PIP5K1B: variants seen among roughly 807,000 people sequenced by gnomAD.
The protein encoded by PIP5K1B is phosphatidylinositol-4-phosphate 5-kinase type 1 beta, also known as phosphatidylinositol 4-phosphate 5-kinase type-1 beta.
In PIP5K1B, 42 loss-of-function variants were observed where a neutral mutation model predicts 67.0. That is an observed-to-expected ratio of 0.63 (90% CI 0.49 to 0.81). The LOEUF is 0.81. Ranked by LOEUF, PIP5K1B falls within the 30% of genes least tolerant of loss-of-function variation. The pLI is 0.00. For missense variants in PIP5K1B, 459 were observed against 646.3 expected, an observed-to-expected ratio of 0.71 and a Z score of 3.14; for synonymous variants, 214 against 231.4, an observed-to-expected ratio of 0.92 and a Z score of 0.68.
At chr9:68,875,625 T>C (rs574752613) in intron 5 of PIP5K1B, among the ~76,000 whole-genome samples, 1 of 152,344 alleles carries the variant, frequency 6.6e-6, no homozygotes, top group South Asian at 2.1e-4. Flanking sequence ...TATTCTGTGC[T>C]GAAAGCCTTT....
chr9:68,723,707 T>TA (rs1249704354), intron 1 of PIP5K1B, among the ~76,000 whole-genome samples: 1 of 148,664 alleles, frequency 6.7e-6, no homozygotes, highest in Non-Finnish European at 1.5e-5. Flanking sequence ...TTTTTTTTTT[T>TA]TTTTTTTTTT....
At chr9:68,819,327 G>A (rs1280839734) in intron 3 of PIP5K1B, among the ~76,000 whole-genome samples, 7 of 152,116 alleles carry the variant, frequency 4.6e-5, no homozygotes, top group Non-Finnish European at 8.8e-5. Context: ...AGGCTGGAGT[G>A]CAGTGGTGCG....
rs781757137 is a variant in PIP5K1B at position 68,839,833 on chromosome 9, C to A, written c.69+17150C>A. Among the ~76,000 whole-genome samples, 125 of 152,282 alleles carry A rather than the reference C, an allele frequency of 8.2e-4. 2 individuals carry two copies. The highest frequency in any genetic ancestry group is 1.4e-3 in the Non-Finnish European group (98 of 68,032). On this transcript the variant is annotated intron_variant, in intron 4 of 15. Transcript: ENST00000265382. Reference sequence around the variant, plus strand: ...TGTTAGGTCCAGCCATGGTCGTCTCCATTCCAGAGAGGTCATGACAAGACC... The same window carrying A: ...TGTTAGGTCCAGCCATGGTCGTCTCAATTCCAGAGAGGTCATGACAAGACC...
chr9:68,949,830 G>A (rs561150827), intron 14 of PIP5K1B, among the ~76,000 whole-genome samples: 1 of 152,302 alleles, frequency 6.6e-6, no homozygotes, highest in South Asian at 2.1e-4. Context: ...GCAGAAAACC[G>A]AAGTGAGGCA....
intron 4 of PIP5K1B, among the ~76,000 whole-genome samples, chr9:68,851,521 C>T (rs934195847): frequency 6.6e-6 from 1 of 152,108 alleles, no homozygotes; most frequent in Non-Finnish European, 1.5e-5. Flanking sequence ...CAGAATACCC[C>T]AAAAGTCACG....
intron 1 of PIP5K1B, among the ~76,000 whole-genome samples, chr9:68,711,109 C>T (rs910367536): frequency 6.6e-6 from 1 of 152,110 alleles, no homozygotes; most frequent in Non-Finnish European, 1.5e-5. Context: ...ATATTTAAGC[C>T]TTCACCATTC....
intron 2 of PIP5K1B, among the ~76,000 whole-genome samples, chr9:68,779,141 C>A (rs994129243): frequency 1.3e-5 from 2 of 150,654 alleles, no homozygotes; most frequent in East Asian, 2.0e-4. Context: ...AAAAAAAAAA[C>A]CTTGACTGAC....
intron 14 of PIP5K1B, among the ~76,000 whole-genome samples, chr9:68,974,627 T>C (rs1368347737): frequency 6.6e-6 from 1 of 152,198 alleles, no homozygotes; most frequent in East Asian, 1.9e-4. Flanking sequence ...TTCTGATTAG[T>C]CAGATCAGAA....
At chr9:68,946,713 A>G (rs1199657367) in intron 14 of PIP5K1B, among the ~76,000 whole-genome samples, 1 of 151,990 alleles carries the variant, frequency 6.6e-6, no homozygotes, top group Non-Finnish European at 1.5e-5. Context: ...ATGTTTCTTA[A>G]TCTGCTGACT....
At chr9:68,897,169 T>G (rs187330754) in intron 8 of PIP5K1B, among the ~76,000 whole-genome samples, 1 of 152,158 alleles carries the variant, frequency 6.6e-6, no homozygotes, top group African/African-American at 2.4e-5. Context: ...ATCAGGAATC[T>G]CCTCTGCTAA....
intron 1 of PIP5K1B, among the ~76,000 whole-genome samples, chr9:68,713,809 G>A (rs539274699): frequency 2.0e-5 from 3 of 152,326 alleles, no homozygotes; most frequent in African/African-American, 7.2e-5. Context: ...GGTCCTGGCT[G>A]TCAAGGAGGC....
At chr9:68,754,457 C>CTG (rs1349927418) in intron 2 of PIP5K1B, among the ~76,000 whole-genome samples, 1 of 152,132 alleles carries the variant, frequency 6.6e-6, no homozygotes, top group Non-Finnish European at 1.5e-5. Flanking sequence ...GCGTGAGCCA[C>CTG]CACGCCCGGC....
chr9:68,807,825 G>A (rs1383330292), intron 2 of PIP5K1B, among the ~76,000 whole-genome samples: 1 of 152,204 alleles, frequency 6.6e-6, no homozygotes, highest in East Asian at 1.9e-4. Flanking sequence ...GCATAAGCTG[G>A]TGAATGAAAA....
intron 4 of PIP5K1B, among the ~76,000 whole-genome samples, chr9:68,834,302 A>G (rs948879722): frequency 7.2e-5 from 11 of 152,044 alleles, no homozygotes; most frequent in Non-Finnish European, 1.3e-4. Context: ...TTCCCACGCA[A>G]GCTGATCACT....
intron 14 of PIP5K1B, among the ~76,000 whole-genome samples, chr9:68,974,900 C>T (rs965487721): frequency 3.3e-5 from 5 of 152,174 alleles, no homozygotes; most frequent in African/African-American, 1.2e-4. Flanking sequence ...TGAGGGTGCT[C>T]ATTTCAACCC....
At chr9:68,848,667 G>A (rs1164442166) in intron 4 of PIP5K1B, among the ~76,000 whole-genome samples, 1 of 152,122 alleles carries the variant, frequency 6.6e-6, no homozygotes, top group African/African-American at 2.4e-5. Flanking sequence ...ATAAAGAATA[G>A]CTATAGTTTC....
At chr9:68,717,658 C>T (rs754944861) in intron 1 of PIP5K1B, among the ~76,000 whole-genome samples, 2 of 152,046 alleles carry the variant, frequency 1.3e-5, no homozygotes, top group Non-Finnish European at 2.9e-5. Flanking sequence ...CCGAATCCCA[C>T]CCTATGACCT....
chr9:68,766,411 G>C (rs894675199), intron 2 of PIP5K1B, among the ~76,000 whole-genome samples: 1 of 152,022 alleles, frequency 6.6e-6, no homozygotes, highest in Non-Finnish European at 1.5e-5. Context: ...ATGCAGCACT[G>C]TTAAAAATAG....
chr9:68,849,366 T>C (rs1048692447), intron 4 of PIP5K1B, among the ~76,000 whole-genome samples: 1 of 152,076 alleles, frequency 6.6e-6, no homozygotes, highest in African/African-American at 2.4e-5. Flanking sequence ...GTATGAATAG[T>C]ACAGTCTCAT....
Sources: allele counts gnomAD v4.1 joint callset (sites outside exome capture counted in the v4.1 genomes callset), GRCh38; gene constraint gnomAD v4.1.1; transcripts MANE v1.5; gene names NCBI Gene and HGNC (gene_info 2026-07-23, HGNC 2026-07-21).